Variants in RBMS3 observed in about 807,000 individuals in gnomAD.
The protein encoded by RBMS3 is RNA-binding motif, single-stranded-interacting protein 3.
Under a neutral mutation model 66.8 loss-of-function variants are expected in RBMS3, and 27 were observed. The ratio of observed to expected loss-of-function variants is 0.40; its 90% CI spans 0.30 to 0.56. The LOEUF is 0.56. Among genes scored for constraint, RBMS3 ranks in the 20% least tolerant of loss-of-function variants. The pLI is 0.40. For missense variants in RBMS3, 513 were observed against 549.5 expected, an observed-to-expected ratio of 0.93 and a Z score of 0.66; for synonymous variants, 188 against 183.0, an observed-to-expected ratio of 1.03 and a Z score of -0.22.
rs59414967 is a variant in RBMS3 at position 29,498,914 on chromosome 3, A to G, written c.307+10415A>G. Among the ~76,000 whole-genome samples, 341 of 152,340 alleles carry G rather than the reference A, an allele frequency of 2.2e-3. 1 individual carries two copies. Among genetic ancestry groups the G allele is most frequent in the East Asian group, 0.018 (94 of 5,186 alleles). On this transcript the variant is annotated intron_variant, in intron 3 of 14. Coordinates refer to ENST00000383767, the MANE Select transcript of RBMS3 (RefSeq NM_001003793.3). ...GTTTATTGAGATTAGCTTCGTTAAT[A>G]GCAAAAAGTATAAGTACTTAAAGGA...
intron 1 of RBMS3, among the ~76,000 whole-genome samples, chr3:29,316,036 G>T (rs1165250119): frequency 1.3e-5 from 2 of 151,588 alleles, no homozygotes; most frequent in African/African-American, 2.4e-5. Context: ...ACCTCTTATT[G>T]GTTTTGATAG....
chr3:29,654,002 G>A (rs2050233888), intron 4 of RBMS3, among the ~76,000 whole-genome samples: 1 of 152,104 alleles, frequency 6.6e-6, no homozygotes, highest in African/African-American at 2.4e-5. Flanking sequence ...GAATTCATAA[G>A]GATCTGATGA....
rs1035246541 is a variant in RBMS3 at position 30,008,149 on chromosome 3, C to T, written c.*4287C>T. 3 of 151,670 alleles carry T rather than the reference C, an allele frequency of 2.0e-5. No individual in the cohort carries two copies. The highest frequency in any genetic ancestry group is 7.3e-5 in the African/African-American group (3 of 41,288). 9.4% of individuals were successfully genotyped at this position (151,670 alleles called of 1,614,324 possible). Reference sequence around the variant, plus strand: ...AATACCTATTTTTTTTTACAGTGGCCTAAAACCCCTATTAATGAAAAGTGA... The same window carrying T: ...AATACCTATTTTTTTTTACAGTGGCTTAAAACCCCTATTAATGAAAAGTGA... On this transcript the variant is annotated 3_prime_UTR_variant, in exon 15 of 15. Transcript: ENST00000383767.
At chr3:29,920,423 GT>G (rs1444742963) in intron 10 of RBMS3, among the ~76,000 whole-genome samples, 4 of 152,046 alleles carry the variant, frequency 2.6e-5, no homozygotes, top group African/African-American at 9.7e-5. Flanking sequence ...TTTTATTGTT[GT>G]TTTCCAAAGC....
At chr3:29,760,897 T>A (rs2055654381) in intron 5 of RBMS3, among the ~76,000 whole-genome samples, 1 of 152,142 alleles carries the variant, frequency 6.6e-6, no homozygotes, top group African/African-American at 2.4e-5. Context: ...TAAAGAGTTT[T>A]CTTTTTATTT....
chr3:29,416,330 A>G (rs2040475230), intron 1 of RBMS3, among the ~76,000 whole-genome samples: 3 of 147,898 alleles, frequency 2.0e-5, no homozygotes, highest in Admixed American at 6.8e-5. Context: ...CTATAATCTT[A>G]TATCTAATCC....
intron 4 of RBMS3, among the ~76,000 whole-genome samples, chr3:29,674,737 C>CA (rs149403305): frequency 0.022 from 2,243 of 100,798 alleles, 29 homozygotes; most frequent in Middle Eastern, 0.035. Context: ...ACCACTGCTC[C>CA]AAAAAAAAAA....
intron 1 of RBMS3, among the ~76,000 whole-genome samples, chr3:29,375,866 A>G (rs2038436800): frequency 6.6e-6 from 1 of 152,236 alleles, no homozygotes; most frequent in Non-Finnish European, 1.5e-5. Flanking sequence ...CCAAAGGAAT[A>G]GAAATCATTC....
intron 7 of RBMS3, chr3:29,880,853 CA>C (rs2059721157): frequency 6.6e-7 from 1 of 1,519,984 alleles, no homozygotes; most frequent in Non-Finnish European, 8.8e-7. Context: ...GACCCTTTTG[CA>C]ATGAAAATCT....
chr3:29,889,563 T>G (rs1045933644), intron 8 of RBMS3, among the ~76,000 whole-genome samples: 3 of 151,652 alleles, frequency 2.0e-5, no homozygotes, highest in Non-Finnish European at 3.0e-5. Flanking sequence ...TTCATAAGAC[T>G]TTGTAAAGAT....
intron 10 of RBMS3, among the ~76,000 whole-genome samples, chr3:29,908,391 A>G (rs1481310090): frequency 6.6e-6 from 1 of 152,176 alleles, no homozygotes; most frequent in African/African-American, 2.4e-5. Context: ...TCTTAACAAA[A>G]TTAGCATTAT....
intron 6 of RBMS3, among the ~76,000 whole-genome samples, chr3:29,818,502 G>C (rs2371818): frequency 0.97 from 147,491 of 152,078 alleles, 71,545 homozygotes; most frequent in East Asian, 1. Context: ...ACATTGTTAT[G>C]AACAATGTCT....
chr3:29,321,633 G>A (rs1309374590), intron 1 of RBMS3, among the ~76,000 whole-genome samples: 3 of 152,098 alleles, frequency 2.0e-5, no homozygotes, highest in African/African-American at 4.8e-5. Context: ...TTAATGTTCT[G>A]TGTAAGATGA....
intron 6 of RBMS3, among the ~76,000 whole-genome samples, chr3:29,781,366 A>G (rs2371825): frequency 0.61 from 92,694 of 151,920 alleles, 28,505 homozygotes; most frequent in East Asian, 0.84. Flanking sequence ...CCACATGGTT[A>G]TATGTATCAT....
intron 6 of RBMS3, among the ~76,000 whole-genome samples, chr3:29,854,885 A>C (rs1401047852): frequency 6.6e-6 from 1 of 152,198 alleles, no homozygotes; most frequent in Non-Finnish European, 1.5e-5. Context: ...ACTCTCTTCA[A>C]TTCTAAAATG....
At chr3:29,385,704 T>C (rs2038980524) in intron 1 of RBMS3, among the ~76,000 whole-genome samples, 1 of 152,168 alleles carries the variant, frequency 6.6e-6, no homozygotes, top group Non-Finnish European at 1.5e-5. Flanking sequence ...TCTCCATTCT[T>C]TGGCTTCTTC....
intron 6 of RBMS3, among the ~76,000 whole-genome samples, chr3:29,853,405 T>G: frequency 6.7e-6 from 1 of 149,436 alleles, no homozygotes; most frequent in Admixed American, 6.7e-5. Flanking sequence ...TATTGTATCT[T>G]AAGCTACAAT....
At chr3:29,548,188 G>A (rs1273929650) in intron 3 of RBMS3, among the ~76,000 whole-genome samples, 1 of 152,074 alleles carries the variant, frequency 6.6e-6, no homozygotes, top group Admixed American at 6.6e-5. Flanking sequence ...GAGCTTGGGA[G>A]GCCAAAGCAG....
chr3:29,932,942 A>G (rs1227225142), intron 10 of RBMS3, among the ~76,000 whole-genome samples: 1 of 152,192 alleles, frequency 6.6e-6, no homozygotes, highest in Non-Finnish European at 1.5e-5. Context: ...GGCAGTGGCT[A>G]AAAAGGACCA....
Sources: gnomAD v4.1 joint callset for allele counts (sites outside exome capture counted in the v4.1 genomes callset) on GRCh38, gnomAD v4.1.1 for gene constraint, MANE v1.5 for transcripts, NCBI Gene and HGNC (gene_info 2026-07-23, HGNC 2026-07-21) for gene names.